FREM2: variants seen among roughly 807,000 people sequenced by gnomAD.
FREM2 encodes FRAS1 related extracellular matrix 2.
A neutral mutation model predicts 219.9 loss-of-function variants in FREM2; 119 were observed. That is an observed-to-expected ratio of 0.54 (90% CI 0.47 to 0.63). The LOEUF is 0.63. Ranked by LOEUF, FREM2 falls within the 30% of genes least tolerant of loss-of-function variation. The pLI, the probability that FREM2 is intolerant of heterozygous loss-of-function variation, is 0.00. For synonymous variants in FREM2, 1,562 were observed against 1,522.8 expected (o/e 1.03, Z -0.60); for missense variants, 4,030 against 3,993.6 (o/e 1.01, Z -0.25).
rs372160696 is a variant in FREM2, at chr13:38,717,455, C to T, written c.5263+19668C>T. Among the ~76,000 whole-genome samples the T allele has an allele frequency of 1.9e-4, 23 of 120,378 alleles. No homozygotes were observed. The East Asian group carries it at 4.1e-3, about 21-fold the overall frequency. The allele number at this position is 120,378 out of a possible 152,430, so 79.0% of individuals were successfully genotyped here. ...TTTTTGAGACTGTGTCTTGCTCTGT[C>T]GCCCAGGCTGGAGTGCAGTGGCACA... On this transcript the variant is annotated intron_variant, in intron 2 of 23. Transcript: ENST00000280481.
At position 38,697,759 on chromosome 13, in the gene FREM2, T is replaced by C; in HGVS notation, c.5235T>C (p.Asp1745=). The C allele has an allele frequency of 1.2e-6, 2 of 1,607,950 alleles. No homozygotes were observed. The highest frequency in any genetic ancestry group is 1.7e-6 in the Non-Finnish European group (2 of 1,174,412). ...VLREGANATS[D]MFYFAVEDGG... ...GAGAAGGGGCTAATGCCACAAGTGA[T>C]ATGTTCTATTTTGCAGTTGAAGATG... Residue 1745 remains aspartate (D), a synonymous_variant, in exon 2 of 24, where the codon GAT becomes GAC. Coordinates refer to ENST00000280481, the MANE Select transcript of FREM2 (RefSeq NM_207361.6).
At position 38,691,540 on chromosome 13, in the gene FREM2, C is replaced by A; in HGVS notation, c.4196C>A (p.Thr1399Asn). Residue 1399 changes from threonine (T) to asparagine (N), a missense_variant, in exon 1 of 24, where the codon ACT becomes AAT. Transcript: ENST00000280481. ...GIRDLIKFDVTDGINPLIDRY... is the reference protein window; with the variant it reads ...GIRDLIKFDVNDGINPLIDRY... ...CGGGACCTAATTAAATTTGATGTGA[C>A]TGATGGAATAAATCCCCTCATAGAT... The A allele has an allele frequency of 3.7e-6, 6 of 1,614,138 alleles. No individual in the cohort carries two copies. Among genetic ancestry groups the A allele is most frequent in the Non-Finnish European group, 5.1e-6 (6 of 1,180,022 alleles).
chr13:38,843,323 A>G (rs957102892), intron 6 of FREM2, among the ~76,000 whole-genome samples: 6 of 152,182 alleles, frequency 3.9e-5, no homozygotes, highest in Non-Finnish European at 8.8e-5. Flanking sequence ...GCTGAATTAA[A>G]GAATTGAATA....
chr13:38,709,837 G>T (rs1350202856), intron 2 of FREM2, among the ~76,000 whole-genome samples: 1 of 151,940 alleles, frequency 6.6e-6, no homozygotes, highest in Non-Finnish European at 1.5e-5. Flanking sequence ...CCAATTGGTA[G>T]AAAATTGCTC....
At chr13:38,726,477 CATCAA>C (rs1871529362) in intron 2 of FREM2, among the ~76,000 whole-genome samples, 1 of 151,950 alleles carries the variant, frequency 6.6e-6, no homozygotes, top group Admixed American at 6.6e-5. Flanking sequence ...GATGCCAGAG[CATCAA>C]AAATATGGAA....
chr13:38,848,621 T>G lies in FREM2; in HGVS notation c.6330T>G (p.Leu2110=), dbSNP rs112083916. ...TTCGCATGCCTATGAACGCAGCCCTTGGCGAGCCCAGCAAAGCCACAGTGT... is the reference window on the plus strand; with the variant it reads ...TTCGCATGCCTATGAACGCAGCCCTGGGCGAGCCCAGCAAAGCCACAGTGT... The part of the protein sequence containing the change: ...LVLRMPMNAA[L]GEPSKATVSI... The change falls in exon 8 of 24, where the codon CTT becomes CTG. Residue 2110 remains leucine, a synonymous_variant. Transcript: ENST00000280481. The G allele has an allele frequency of 9.3e-4, 1,504 of 1,614,038 alleles. 8 individuals are homozygous for G. In the African/African-American group the frequency reaches 0.018, roughly 19 times the overall value.
In FREM2 at chr13:38,864,624, C is replaced by T; in HGVS notation, c.7983+18C>T. ...ATGGACAGGTACAGATTTATAACAT[C>T]TGAGTTTGGTCACTGGATAAACCAA... On this transcript the variant is annotated intron_variant, in intron 16 of 23. Transcript: ENST00000280481. The T allele has an allele frequency of 6.2e-7, 1 of 1,606,554 alleles. No individual in the cohort carries two copies. Among genetic ancestry groups the T allele is most frequent in the Non-Finnish European group, 8.5e-7 (1 of 1,173,064 alleles).
chr13:38,825,459 T>C (rs183827446), intron 6 of FREM2, among the ~76,000 whole-genome samples: 3,143 of 152,140 alleles, frequency 0.021, 51 homozygotes, highest in Middle Eastern at 0.058. Flanking sequence ...ATGTAGTATA[T>C]TCACAGAATA....
At chr13:38,703,809 G>A (rs1041649713) in intron 2 of FREM2, among the ~76,000 whole-genome samples, 5 of 151,676 alleles carry the variant, frequency 3.3e-5, no homozygotes, top group African/African-American at 4.8e-5. Context: ...TTAAATCTTT[G>A]GGTGACAATG....
chr13:38,784,690 T>C lies in FREM2; in HGVS notation c.5901T>C (p.Asp1967=), dbSNP rs1593406313. 6.2e-7 allele frequency: 1 copy of C among 1,614,172 alleles called. No homozygotes were observed. Among genetic ancestry groups the C allele is most frequent in the East Asian group, 2.2e-5 (1 of 44,854 alleles). Residue 1967 remains aspartate (D), a synonymous_variant, in exon 6 of 24, where the codon GAT becomes GAC. Transcript: ENST00000280481. ...REKLCRIVII[D]DSLYEEEETF... Reference sequence around the variant, plus strand: ...AACTGTGTCGGATAGTCATAATTGATGACTCTTTGTACGAGGAGGAGGAAA... The same window carrying C: ...AACTGTGTCGGATAGTCATAATTGACGACTCTTTGTACGAGGAGGAGGAAA...
At chr13:38,712,190 A>C (rs1258588038) in intron 2 of FREM2, among the ~76,000 whole-genome samples, 2 of 151,968 alleles carry the variant, frequency 1.3e-5, no homozygotes, top group African/African-American at 4.8e-5. Flanking sequence ...CACCGCGCCC[A>C]GCCCCTGAGA....
intron 6 of FREM2, among the ~76,000 whole-genome samples, chr13:38,816,933 A>C (rs887828140): frequency 6.6e-6 from 1 of 152,166 alleles, no homozygotes; most frequent in Non-Finnish European, 1.5e-5. Context: ...TTAGTGAACT[A>C]TCTGAAAAAG....
chr13:38,808,507 C>T (rs1008193196), intron 6 of FREM2, among the ~76,000 whole-genome samples: 1 of 151,832 alleles, frequency 6.6e-6, no homozygotes, highest in African/African-American at 2.4e-5. Flanking sequence ...CTTCTTTTCA[C>T]TTGAAAACTT....
chr13:38,749,756 T>G (rs1326233112), intron 2 of FREM2, among the ~76,000 whole-genome samples: 1 of 152,176 alleles, frequency 6.6e-6, no homozygotes, highest in African/African-American at 2.4e-5. Flanking sequence ...GGCAAAATTA[T>G]TGCCCCTTCT....
In FREM2 at chr13:38,799,415, G is replaced by A. The variant is rs7333186; in HGVS notation, c.6019+14607G>A. ...TATCCTGAAGAATGTTCCATGTAAT[G>A]ATGAGAATAATGTATATTCTGCAGT... is the stretch of plus-strand genomic sequence containing the variant. On this transcript the variant is annotated intron_variant, in intron 6 of 23. Coordinates refer to ENST00000280481, the MANE Select transcript of FREM2 (RefSeq NM_207361.6). 7.7e-3 allele frequency among the ~76,000 whole-genome samples: 1,175 copies of A among 152,082 alleles called. 14 individuals are homozygous for A. The highest frequency in any genetic ancestry group is 0.027 in the African/African-American group (1,132 of 41,524).
chr13:38,738,566 A>AAAT lies in FREM2; in HGVS notation c.5264-25736_5264-25735insTAA, dbSNP rs1491330807. Among the ~76,000 whole-genome samples the AAAT allele has an allele frequency of 2.1e-3, 72 of 33,972 alleles. 4 individuals carry two copies. The South Asian group carries it at 0.03, about 14-fold the overall frequency. The allele number at this position is 33,972 out of a possible 152,430, so 22.3% of individuals were successfully genotyped here. On this transcript the variant is annotated intron_variant, in intron 2 of 23. Coordinates refer to ENST00000280481, the MANE Select transcript of FREM2 (RefSeq NM_207361.6). ...GGGCAACAGAGTGAGACTCCATCTC[A>AAAT]AAAAAAAAAAAAAAAAAAAAAAAAA...
intron 11 of FREM2, among the ~76,000 whole-genome samples, chr13:38,855,235 T>A (rs903600035): frequency 6.6e-6 from 1 of 152,140 alleles, no homozygotes; most frequent in Non-Finnish European, 1.5e-5. Context: ...TCATTAGCAT[T>A]TATCTAAAAT....
chr13:38,880,425 C>G lies in FREM2; in HGVS notation c.9148C>G (p.Arg3050Gly), dbSNP rs539800018. Residue 3050 changes from arginine to glycine, a missense_variant, in exon 24 of 24, where the codon CGG becomes GGG. Transcript: ENST00000280481. Reference sequence around the variant, plus strand: ...AAAGCCCCAATCCACCACCAAGAGCCGGAAGAAGAGAGAGATCAGGAGCAC... The same window carrying G: ...AAAGCCCCAATCCACCACCAAGAGCGGGAAGAAGAGAGAGATCAGGAGCAC... ...QGKPQSTTKSRKKREIRSTPS... is the reference protein window; with the variant it reads ...QGKPQSTTKSGKKREIRSTPS... 6.2e-7 allele frequency: 1 copy of G among 1,613,966 alleles called. No homozygotes were observed. The highest frequency in any genetic ancestry group is 8.5e-7 in the Non-Finnish European group (1 of 1,180,004).
rs1375372714 is a variant in FREM2 at position 38,861,483 on chromosome 13, T to G, written c.7572T>G (p.Ala2524=). 6.2e-7 allele frequency: 1 copy of G among 1,604,772 alleles called. No individual in the cohort carries two copies. The highest frequency in any genetic ancestry group is 2.2e-5 in the East Asian group (1 of 44,866). The change falls in exon 15 of 24, where the codon GCT becomes GCG. Residue 2524 remains alanine, a synonymous_variant. Transcript: ENST00000280481. ...TTGTTGGAGCAGAGCCGTTCTCAGC[T>G]AAATTGCGCTACACAGGCCCTGAGG... ...PGVVGAEPFS[A]KLRYTGPEDA...
Sources: allele counts gnomAD v4.1 joint callset (sites outside exome capture counted in the v4.1 genomes callset), GRCh38; gene constraint gnomAD v4.1.1; transcripts MANE v1.5; gene names NCBI Gene and HGNC (gene_info 2026-07-23, HGNC 2026-07-21).